Variants in DDX23 observed in about 807,000 individuals in gnomAD.
DDX23 encodes DEAD-box helicase 23, also known as probable ATP-dependent RNA helicase DDX23.
A neutral mutation model predicts 102.7 loss-of-function variants in DDX23; 33 were observed. The observed-to-expected ratio is 0.32, with a 90% CI of 0.24 to 0.43. The LOEUF is 0.43. Among genes scored for constraint, DDX23 ranks in the 20% least tolerant of loss-of-function variants. The probability of loss-of-function intolerance (pLI) is 1.00; values close to 1 mark genes in which losing one functional copy is unlikely to be tolerated. For missense variants in DDX23, 549 were observed against 1,086.6 expected (o/e 0.51, Z 6.96); for synonymous variants, 352 against 376.0 (o/e 0.94, Z 0.74).
intron 3 of DDX23, among the ~76,000 whole-genome samples, chr12:48,840,741 C>G (rs1220867264): frequency 6.6e-6 from 1 of 151,374 alleles, no homozygotes; most frequent in Non-Finnish European, 1.5e-5. Flanking sequence ...TTAGTAGAGA[C>G]GAGGTTTCAT....
chr12:48,838,173 T>C (rs1004282670), intron 5 of DDX23, 93 bp from the exon 6 acceptor site: 1 of 1,571,064 alleles, frequency 6.4e-7, no homozygotes, highest in African/African-American at 1.4e-5. Context: ...CAAAAGTATT[T>C]GCTCAGGCAT....
rs1169046255 is a variant in DDX23 at position 48,831,188 on chromosome 12, T to C, written c.2193A>G (p.Gln731=). 1.2e-6 allele frequency: 2 copies of C among 1,614,106 alleles called. No individual in the cohort carries two copies. The highest frequency in any genetic ancestry group is 1.7e-5 in the Admixed American group (1 of 60,004). Residue 731 remains glutamine (Q), a synonymous_variant, in exon 16 of 17, where the codon CAA becomes CAG. Coordinates refer to ENST00000308025, the MANE Select transcript of DDX23 (RefSeq NM_004818.3). ...TDVAGRGIDI[Q]DVSMVVNYDM... is the part of the protein sequence containing the mutation. ...CATAGTTGACAACCATAGACACATC[T>C]TGGATGTCAATACCACGACCAGCCA...
At chr12:48,838,620 G>A (rs1285975365) in intron 5 of DDX23, among the ~76,000 whole-genome samples, 1 of 151,780 alleles carries the variant, frequency 6.6e-6, no homozygotes, top group Non-Finnish European at 1.5e-5. Flanking sequence ...GGGAGGCCGA[G>A]ATGGGCGGAT....
intron 1 of DDX23, among the ~76,000 whole-genome samples, chr12:48,851,241 A>G (rs2453482): frequency 0.44 from 66,145 of 152,042 alleles, 14,548 homozygotes; most frequent in East Asian, 0.59. Flanking sequence ...AGAGGCCGAG[A>G]CAGGTGGATT....
chr12:48,850,197 G>T (rs529847811), intron 1 of DDX23, among the ~76,000 whole-genome samples: 2 of 152,168 alleles, frequency 1.3e-5, no homozygotes, highest in Admixed American at 6.5e-5. Flanking sequence ...GGAACGTGGC[G>T]ATGGAGATGG....
At chr12:48,845,154 TAAA>T (rs60186795) in intron 2 of DDX23, among the ~76,000 whole-genome samples, 1 of 131,144 alleles carries the variant, frequency 7.6e-6, no homozygotes, top group Admixed American at 7.7e-5. Flanking sequence ...CTCCATCTTT[TAAA>T]AAAAAAAAAA....
At chr12:48,831,987 T>G in intron 15 of DDX23, 91 bp downstream of exon 15, 16 of 1,204,162 alleles carry the variant, frequency 1.3e-5, no homozygotes, top group East Asian at 2.3e-5. Flanking sequence ...AAAGAAAGGG[T>G]GAGACTTGAA....
Position 48,836,867 on chromosome 12 carries a change from C to A in DDX23, c.1010+27G>T. The A allele has an allele frequency of 6.2e-7, 1 of 1,613,850 alleles. No homozygotes were observed. Among genetic ancestry groups the A allele is most frequent in the South Asian group, 1.1e-5 (1 of 91,072 alleles). ...TTTCTGTAGAGCCTCTGGGCTCTGT[C>A]CAGCCACCCTAGCCTTGATCACTCA... On this transcript the variant is annotated intron_variant, in intron 9 of 16. Transcript: ENST00000308025. The surrounding 1 kb of genome is among the most constrained non-coding windows in gnomAD (Gnocchi z 6.1).
intron 1 of DDX23, among the ~76,000 whole-genome samples, chr12:48,846,784 T>G (rs1938675448): frequency 6.6e-6 from 1 of 152,218 alleles, no homozygotes; most frequent in Non-Finnish European, 1.5e-5. Context: ...ACAACCTTGG[T>G]CATCTGCATA....
rs1383265629 is a variant in DDX23 at position 48,836,422 on chromosome 12, C to G, written c.1236+147G>C. 8.1e-7 allele frequency: 1 copy of G among 1,236,422 alleles called. No homozygotes were observed. Among genetic ancestry groups the G allele is most frequent in the Non-Finnish European group, 1.1e-6 (1 of 875,172 alleles). 76.6% of individuals were successfully genotyped at this position (1,236,422 alleles called of 1,614,324 possible). On this transcript the variant is annotated intron_variant, in intron 10 of 16. Coordinates refer to ENST00000308025, the MANE Select transcript of DDX23 (RefSeq NM_004818.3). This position sits in a 1 kb window ranked among gnomAD's most constrained non-coding sequence, Gnocchi z 6.1. Reference sequence around the variant, plus strand: ...CAAGAAGAAACCTAATCACTAAAAGCCAACACTTCTACCAGAAAGTGACAG... The same window carrying G: ...CAAGAAGAAACCTAATCACTAAAAGGCAACACTTCTACCAGAAAGTGACAG...
At chr12:48,835,890 CA>C (rs1001046932) in intron 11 of DDX23, among the ~76,000 whole-genome samples, 1 of 151,924 alleles carries the variant, frequency 6.6e-6, no homozygotes, top group Non-Finnish European at 1.5e-5. Flanking sequence ...GACTCTGCCT[CA>C]AAAAAATAAA....
chr12:48,839,861 C>T lies in DDX23; in HGVS notation c.463G>A (p.Glu155Lys), dbSNP rs2137487607. The change falls in exon 5 of 17, where the codon GAA becomes AAA. Residue 155 changes from glutamate (E) to lysine (K), a missense_variant. Coordinates refer to ENST00000308025, the MANE Select transcript of DDX23 (RefSeq NM_004818.3). ...EELLAKKKAE[E>K]EAEAKPKFLS... Reference sequence around the variant, plus strand: ...GTACTTACCTTAGCCTCAGCTTCTTCCTCAGCCTTTTTCTTGGCCAGAAGC... The same window carrying T: ...GTACTTACCTTAGCCTCAGCTTCTTTCTCAGCCTTTTTCTTGGCCAGAAGC... 6.2e-7 allele frequency: 1 copy of T among 1,614,176 alleles called. No individual in the cohort carries two copies. The highest frequency in any genetic ancestry group is 2.2e-5 in the East Asian group (1 of 44,886).
chr12:48,837,917 G>T (rs768928656), intron 6 of DDX23, 25 bp downstream of exon 6: 23 of 1,611,908 alleles, frequency 1.4e-5, no homozygotes, highest in Non-Finnish European at 1.9e-5. Flanking sequence ...TCCATCTAGG[G>T]GCTACACAGG....
chr12:48,846,244 G>A (rs915227234), intron 1 of DDX23, among the ~76,000 whole-genome samples: 14 of 152,296 alleles, frequency 9.2e-5, no homozygotes, highest in African/African-American at 2.9e-4. Flanking sequence ...GATTACAGGC[G>A]TGAGCCACAG....
chr12:48,832,773 T>C lies in DDX23; in HGVS notation c.1804-200A>G. The C allele has an allele frequency of 1.5e-6, 1 of 649,210 alleles. No homozygotes were observed. Among genetic ancestry groups the C allele is most frequent in the Non-Finnish European group, 2.5e-6 (1 of 392,462 alleles). The allele number at this position is 649,210 out of a possible 1,614,324, so 40.2% of individuals were successfully genotyped here. A position where few individuals can be genotyped will look rare whatever the true frequency, so the allele number is the denominator to read the frequency against. ...GCTCATCAAGGCACTTTCCATCTTA[T>C]GATGACAGGAAGGATTGAGAGCATT... On this transcript the variant is annotated intron_variant, in intron 13 of 16. Coordinates refer to ENST00000308025, the MANE Select transcript of DDX23 (RefSeq NM_004818.3). The surrounding 1 kb of genome is among the most constrained non-coding windows in gnomAD (Gnocchi z 4.4).
Position 48,845,560 on chromosome 12 carries a change from C to A in DDX23, c.209+14G>T. 1 of 1,614,070 alleles carries A rather than the reference C, an allele frequency of 6.2e-7. No individual in the cohort carries two copies. The highest frequency in any genetic ancestry group is 8.5e-7 in the Non-Finnish European group (1 of 1,179,888). On this transcript the variant is annotated intron_variant, in intron 2 of 16. Coordinates refer to ENST00000308025, the MANE Select transcript of DDX23 (RefSeq NM_004818.3). ...CTCTCCCTTCCCATGTAATAACATA[C>A]AAAGTTACTTTACCTTTCTGCAGAT...
chr12:48,848,455 GGAA>G (rs950852965), intron 1 of DDX23, among the ~76,000 whole-genome samples: 48 of 152,280 alleles, frequency 3.2e-4, no homozygotes, highest in African/African-American at 1.1e-3. Context: ...GATGGCTCAG[GGAA>G]GAAGTTTTAG....
chr12:48,844,633 CTTTTT>C (rs1175228707), intron 2 of DDX23, among the ~76,000 whole-genome samples: 1 of 141,424 alleles, frequency 7.1e-6, no homozygotes, highest in African/African-American at 2.6e-5. Flanking sequence ...TCCCTCTCAA[CTTTTT>C]TTTTTTTTAT....
chr12:48,833,483 G>A lies in DDX23; in HGVS notation c.1597C>T (p.Leu533=), dbSNP rs1938420652. ...IATPGRLIDV[L]ENRYLVLSRC... is the part of the protein sequence containing the mutation. ...CTCAGCACCAGGTAGCGGTTCTCCA[G>A]CACATCAATCAAACGCCCAGGGGTA... Residue 533 remains leucine, a synonymous_variant, in exon 13 of 17, where the codon CTG becomes TTG. Transcript: ENST00000308025. The A allele has an allele frequency of 6.2e-7, 1 of 1,614,170 alleles. No homozygotes were observed. Among genetic ancestry groups the A allele is most frequent in the Non-Finnish European group, 8.5e-7 (1 of 1,180,044 alleles).
Sources: gnomAD v4.1 joint callset for allele counts (sites outside exome capture counted in the v4.1 genomes callset) on GRCh38, gnomAD v4.1.1 for gene constraint, Gnocchi (gnomAD v3.1) non-coding constraint, MANE v1.5 for transcripts, NCBI Gene and HGNC (gene_info 2026-07-23, HGNC 2026-07-21) for gene names.